The following SERGEF variants were observed in gnomAD, a reference collection of about 807,000 sequenced individuals.
SERGEF encodes the protein secretion-regulating guanine nucleotide exchange factor.
In SERGEF, 51 loss-of-function variants were observed where a neutral mutation model predicts 50.0. The observed-to-expected ratio is 1.02, with a 90% CI of 0.81 to 1.29. The LOEUF is 1.29. Ranked by LOEUF, SERGEF falls within the 50% of genes most tolerant of loss-of-function variation. SERGEF has a pLI of 0.00. For missense variants in SERGEF, 521 were observed against 557.0 expected (o/e 0.94, Z 0.65); for synonymous variants, 205 against 212.4 (o/e 0.97, Z 0.30).
intron 10 of SERGEF, among the ~76,000 whole-genome samples, chr11:17,875,232 T>C (rs1851219093): frequency 1.3e-5 from 2 of 152,226 alleles, no homozygotes; most frequent in South Asian, 4.1e-4. Context: ...CAGACAGCTC[T>C]ACTATTTATT....
At chr11:17,806,246 T>C (rs1018461464) in intron 10 of SERGEF, among the ~76,000 whole-genome samples, 2 of 152,088 alleles carry the variant, frequency 1.3e-5, no homozygotes, top group Non-Finnish European at 2.9e-5. Flanking sequence ...CTAGATAAAG[T>C]GATATTTGGG....
At chr11:18,000,219 G>A (rs779588981) in intron 5 of SERGEF, among the ~76,000 whole-genome samples, 1 of 152,174 alleles carries the variant, frequency 6.6e-6, no homozygotes, top group South Asian at 2.1e-4. Context: ...AGGCCAAGGC[G>A]GGAGGATTGC....
chr11:17,922,533 C>G (rs754090644), intron 9 of SERGEF, among the ~76,000 whole-genome samples: 1 of 152,170 alleles, frequency 6.6e-6, no homozygotes, highest in Non-Finnish European at 1.5e-5. Flanking sequence ...TCATTAACAA[C>G]TTTTTGCTCC....
At chr11:17,830,618 G>A (rs115763650) in intron 10 of SERGEF, among the ~76,000 whole-genome samples, 2,229 of 140,786 alleles carry the variant, frequency 0.016, 112 homozygotes, top group African/African-American at 0.059. Flanking sequence ...GAGAGAGAGA[G>A]AGAGAGAGGG....
rs1019619736 is a variant in SERGEF at position 17,970,854 on chromosome 11, GA to G, written c.845-11219del. On this transcript the variant is annotated intron_variant, in intron 8 of 10. Transcript: ENST00000265965. ...GGCTAAGAGACGTGAGGGAACTGAG[GA>G]AAAAAAGATGGAAGCTAGCAGAGGA... Among the ~76,000 whole-genome samples the G allele has an allele frequency of 2.0e-5, 3 of 152,062 alleles. No homozygotes were observed. In the East Asian group the frequency reaches 5.8e-4, roughly 29 times the overall value.
intron 9 of SERGEF, chr11:17,918,660 A>ACT (rs1565204580): frequency 2.9e-5 from 13 of 447,024 alleles, no homozygotes; most frequent in African/African-American, 1.6e-4. Flanking sequence ...ACATACACAC[A>ACT]CACTCTCTCT....
chr11:17,931,255 A>G (rs1852346280), intron 9 of SERGEF, among the ~76,000 whole-genome samples: 1 of 152,210 alleles, frequency 6.6e-6, no homozygotes, highest in Non-Finnish European at 1.5e-5. Context: ...AATAACAGCA[A>G]TATCTATAAT....
At chr11:18,000,593 C>G (rs113085862) in intron 4 of SERGEF, 36 bp from the exon 5 acceptor site, 6 of 1,442,402 alleles carry the variant, frequency 4.2e-6, no homozygotes, top group African/African-American at 1.4e-5. Flanking sequence ...GATCTCAGAA[C>G]CATCCATCTA....
At chr11:17,929,594 T>C (rs570425304) in intron 9 of SERGEF, among the ~76,000 whole-genome samples, 1 of 152,340 alleles carries the variant, frequency 6.6e-6, no homozygotes, top group African/African-American at 2.4e-5. Context: ...TAGCCATTCA[T>C]GCATTTGTTC....
At chr11:17,805,723 A>C (rs999813946) in intron 10 of SERGEF, among the ~76,000 whole-genome samples, 1 of 152,212 alleles carries the variant, frequency 6.6e-6, no homozygotes, top group Non-Finnish European at 1.5e-5. Context: ...CCAGTGTTAG[A>C]GTCAAAAGAT....
At chr11:17,964,014 G>C (rs1187814040) in intron 8 of SERGEF, among the ~76,000 whole-genome samples, 1 of 152,078 alleles carries the variant, frequency 6.6e-6, no homozygotes, top group African/African-American at 2.4e-5. Context: ...TACAGGGCTT[G>C]GCACCCCATT....
intron 10 of SERGEF, among the ~76,000 whole-genome samples, chr11:17,876,097 C>G (rs1303539194): frequency 6.6e-6 from 1 of 152,194 alleles, no homozygotes; most frequent in Non-Finnish European, 1.5e-5. Context: ...AGCCTGCACC[C>G]TGCAGGGCAC....
At chr11:17,926,937 C>T (rs1852263653) in intron 9 of SERGEF, 1 of 430,386 alleles carries the variant, frequency 2.3e-6, no homozygotes, top group Non-Finnish European at 4.7e-6. Context: ...TCCTATGCCC[C>T]TCCCCAACTC....
chr11:17,848,633 G>A (rs552832686), intron 10 of SERGEF, among the ~76,000 whole-genome samples: 47 of 152,134 alleles, frequency 3.1e-4, no homozygotes, highest in Non-Finnish European at 5.3e-4. Flanking sequence ...CTACAAATTA[G>A]TGAAGCAGAT....
intron 8 of SERGEF, among the ~76,000 whole-genome samples, chr11:17,973,450 G>A (rs1853296086): frequency 6.6e-6 from 1 of 152,186 alleles, no homozygotes; most frequent in Non-Finnish European, 1.5e-5. Flanking sequence ...AAGAGAAACT[G>A]GCTTTGGGGA....
At chr11:17,806,294 C>A in intron 10 of SERGEF, among the ~76,000 whole-genome samples, 1 of 152,174 alleles carries the variant, frequency 6.6e-6, no homozygotes, top group South Asian at 2.1e-4. Context: ...GAGGAAGGAG[C>A]AAAGATGAAT....
At chr11:17,834,244 C>G (rs775266175) in intron 10 of SERGEF, among the ~76,000 whole-genome samples, 12 of 152,152 alleles carry the variant, frequency 7.9e-5, no homozygotes, top group Non-Finnish European at 1.6e-4. Context: ...TGCACAAGCT[C>G]TCTCATTTTT....
chr11:17,927,557 T>C (rs1852274981), intron 9 of SERGEF, among the ~76,000 whole-genome samples: 2 of 152,218 alleles, frequency 1.3e-5, no homozygotes, highest in African/African-American at 4.8e-5. Flanking sequence ...TTCCACTAAT[T>C]TGCTGTGTGA....
intron 8 of SERGEF, among the ~76,000 whole-genome samples, chr11:17,962,215 C>T (rs1853018192): frequency 6.6e-6 from 1 of 152,148 alleles, no homozygotes; most frequent in Non-Finnish European, 1.5e-5. Context: ...AATGGATATG[C>T]TCTGTGTACC....
Sources: allele counts gnomAD v4.1 joint callset (sites outside exome capture counted in the v4.1 genomes callset), GRCh38; gene constraint gnomAD v4.1.1; transcripts MANE v1.5; gene names NCBI Gene and HGNC (gene_info 2026-07-23, HGNC 2026-07-21).